Variants in SMARCC1 observed in about 807,000 individuals in gnomAD.
SMARCC1 encodes the protein SWI/SNF complex subunit SMARCC1.
In SMARCC1, 43 loss-of-function variants were observed where a neutral mutation model predicts 147.4. That is an observed-to-expected ratio of 0.29 (90% CI 0.23 to 0.38). SMARCC1 has a LOEUF of 0.38. Among genes scored for constraint, SMARCC1 ranks in the 10% least tolerant of loss-of-function variants. SMARCC1 has a pLI of 1.00. For synonymous variants in SMARCC1, 495 were observed against 484.4 expected, an observed-to-expected ratio of 1.02 and a Z score of -0.29; for missense variants, 1,119 against 1,381.1, an observed-to-expected ratio of 0.81 and a Z score of 3.01.
At chr3:47,769,896 G>C (rs958063762) in intron 2 of SMARCC1, among the ~76,000 whole-genome samples, 7 of 152,104 alleles carry the variant, frequency 4.6e-5, no homozygotes, top group African/African-American at 1.7e-4. Context: ...CTAACTACCA[G>C]GGCAAATCCT....
At chr3:47,670,578 T>C in intron 19 of SMARCC1, 80 bp downstream of exon 19, 2 of 939,410 alleles carry the variant, frequency 2.1e-6, no homozygotes, top group South Asian at 2.6e-5. Flanking sequence ...AGCGAGACCC[T>C]GCCTCTAAAT....
At chr3:47,619,756 T>A (rs73831519) in intron 25 of SMARCC1, among the ~76,000 whole-genome samples, 339 of 152,324 alleles carry the variant, frequency 2.2e-3, no homozygotes, top group African/African-American at 7.8e-3. Context: ...AGTCCCTGAC[T>A]AGGCTGCTTC....
intron 1 of SMARCC1, among the ~76,000 whole-genome samples, chr3:47,781,243 G>A (rs2035042494): frequency 6.6e-6 from 1 of 152,230 alleles, no homozygotes; most frequent in South Asian, 2.1e-4. Context: ...AAAACTTGAA[G>A]CTGCTTTTAC....
chr3:47,667,082 CTGAGGTG>C (rs2033429200), intron 19 of SMARCC1, among the ~76,000 whole-genome samples: 1 of 151,934 alleles, frequency 6.6e-6, no homozygotes, highest in African/African-American at 2.4e-5. Context: ...CTTTGGGATG[CTGAGGTG>C]GGCCGATCAC....
intron 27 of SMARCC1, 107 bp from the exon 28 acceptor site, chr3:47,588,413 G>A (rs2032112733): frequency 6.5e-6 from 6 of 927,358 alleles, no homozygotes; most frequent in Non-Finnish European, 1.0e-5. Context: ...TTAGTGGCAG[G>A]CAACCAATGC....
At chr3:47,709,472 G>A (rs2034058257) in intron 9 of SMARCC1, among the ~76,000 whole-genome samples, 1 of 151,734 alleles carries the variant, frequency 6.6e-6, no homozygotes, top group African/African-American at 2.4e-5. Context: ...GATCACCTGA[G>A]GTTAAGAGTT....
chr3:47,710,669 GC>G lies in SMARCC1; in HGVS notation c.918+13del. 2 of 1,611,558 alleles carry G rather than the reference GC, an allele frequency of 1.2e-6. No homozygotes were observed. The highest frequency in any genetic ancestry group is 1.3e-5 in the African/African-American group (1 of 74,910). ...GACAGACTTAATGATGAGAAACTGT[GC>G]CAAAGAAAATACCTCTTCATTCTTG... On this transcript the variant is annotated intron_variant, in intron 9 of 27. Coordinates refer to ENST00000254480, the MANE Select transcript of SMARCC1 (RefSeq NM_003074.4).
chr3:47,722,521 T>C (rs777797014), intron 6 of SMARCC1, among the ~76,000 whole-genome samples: 1 of 151,996 alleles, frequency 6.6e-6, no homozygotes, highest in Non-Finnish European at 1.5e-5. Flanking sequence ...CATCTCAAAC[T>C]CCTGACCTCA....
chr3:47,776,269 T>C (rs537766974), intron 1 of SMARCC1, among the ~76,000 whole-genome samples: 2 of 152,190 alleles, frequency 1.3e-5, no homozygotes, highest in African/African-American at 2.4e-5. Context: ...AGTCATATAA[T>C]GTACTGCACT....
Position 47,588,159 on chromosome 3 carries a change from C to T in SMARCC1, c.*50G>A, listed in dbSNP as rs955804246. 9 of 1,400,956 alleles carry T rather than the reference C, an allele frequency of 6.4e-6. No individual in the cohort carries two copies. Among genetic ancestry groups the T allele is most frequent in the Non-Finnish European group, 1.0e-6 (1 of 998,198 alleles). 86.8% of individuals were successfully genotyped at this position (1,400,956 alleles called of 1,614,324 possible). On this transcript the variant is annotated 3_prime_UTR_variant, in exon 28 of 28. Transcript: ENST00000254480. ...GTTGAGGAACACAAGTCTTGTCATC[C>T]CCACTCCAGCTCATGGTGGTGGGCG...
At chr3:47,689,246 A>C in intron 13 of SMARCC1, 141 bp downstream of exon 13, 1 of 648,202 alleles carries the variant, frequency 1.5e-6, no homozygotes, top group Admixed American at 2.9e-5. Context: ...TTAGGGGAAA[A>C]ACTAAAAACA....
chr3:47,619,661 G>A (rs1173415037), intron 25 of SMARCC1, among the ~76,000 whole-genome samples: 1 of 152,182 alleles, frequency 6.6e-6, no homozygotes, highest in Non-Finnish European at 1.5e-5. Flanking sequence ...AGCTCCCGGG[G>A]CAGGAGACAA....
chr3:47,588,340 TG>T, intron 27 of SMARCC1, 34 bp from the exon 28 acceptor site: 1 of 1,588,134 alleles, frequency 6.3e-7, no homozygotes, highest in African/African-American at 1.3e-5. Context: ...TCGTTATTGC[TG>T]GAAATACAAG....
chr3:47,599,504 A>C (rs990898262), intron 26 of SMARCC1, among the ~76,000 whole-genome samples: 3 of 152,262 alleles, frequency 2.0e-5, no homozygotes, highest in African/African-American at 7.2e-5. Context: ...ACTATAAACC[A>C]GGCACTATTA....
At position 47,710,773 on chromosome 3, in the gene SMARCC1, G is replaced by A. The variant is rs2034075474; in HGVS notation, c.828C>T (p.Phe276=). Residue 276 remains phenylalanine (F), a synonymous_variant, in exon 9 of 28, where the codon TTC becomes TTT. Coordinates refer to ENST00000254480, the MANE Select transcript of SMARCC1 (RefSeq NM_003074.4). ...AATCCTCCTCATTCATCCATTCATT[G>A]AAAATATCAGTGTCCAAAATCCATT... ...HVKWILDTDI[F]NEWMNEEDYE... The A allele has an allele frequency of 6.2e-7, 1 of 1,611,840 alleles. No individual in the cohort carries two copies. Among genetic ancestry groups the A allele is most frequent in the South Asian group, 1.1e-5 (1 of 90,818 alleles).
At chr3:47,678,407 C>T in intron 15 of SMARCC1, 96 bp from the exon 16 acceptor site, 1 of 553,754 alleles carries the variant, frequency 1.8e-6, no homozygotes, top group Admixed American at 3.1e-5. Flanking sequence ...CTTAAAAATA[C>T]AACAACAAAT....
intron 15 of SMARCC1, 189 bp downstream of exon 15, chr3:47,680,248 A>G: frequency 3.9e-6 from 2 of 509,728 alleles, no homozygotes; most frequent in Non-Finnish European, 6.9e-6. Context: ...AAACCCCCCA[A>G]AACAAAAAAC....
At chr3:47,697,339 C>T (rs1425504176) in intron 11 of SMARCC1, among the ~76,000 whole-genome samples, 5 of 149,398 alleles carry the variant, frequency 3.3e-5, no homozygotes, top group Non-Finnish European at 5.9e-5. Context: ...CTGGCTCTGT[C>T]GCCCAGGCTG....
At chr3:47,717,264 G>A (rs993753966) in intron 7 of SMARCC1, among the ~76,000 whole-genome samples, 1 of 152,028 alleles carries the variant, frequency 6.6e-6, no homozygotes, top group Admixed American at 6.6e-5. Flanking sequence ...CCTTAGATCC[G>A]GCTACCAATT....
Sources: gnomAD v4.1 joint callset for allele counts (sites outside exome capture counted in the v4.1 genomes callset) on GRCh38, gnomAD v4.1.1 for gene constraint, MANE v1.5 for transcripts, NCBI Gene and HGNC (gene_info 2026-07-23, HGNC 2026-07-21) for gene names.